The following MTNR1B variants were observed in gnomAD, a reference collection of about 807,000 sequenced individuals.
MTNR1B encodes melatonin receptor type 1B.
A neutral mutation model predicts 7.0 loss-of-function variants in MTNR1B; 7 were observed. The observed-to-expected ratio is 1.00, with a 90% CI of 0.57 to 1.88. The LOEUF (loss-of-function observed/expected upper bound fraction) is 1.88, where lower values mean the gene tolerates loss of function less well. MTNR1B is among the 40% of genes most tolerant of loss of function. MTNR1B has a pLI of 0.00. For missense variants in MTNR1B, 478 were observed against 486.5 expected (o/e 0.98, Z 0.16); for synonymous variants, 226 against 208.2 (o/e 1.09, Z -0.74).
chr11:92,979,147 A>T (rs1222407940), intron 1 of MTNR1B, among the ~76,000 whole-genome samples: 1 of 152,250 alleles, frequency 6.6e-6, no homozygotes, highest in Non-Finnish European at 1.5e-5. Context: ...GCCCAAATTC[A>T]TTCAACCATA....
chr11:92,981,332 A>C (rs1397474001), intron 1 of MTNR1B, 115 bp from the exon 2 acceptor site: 1 of 1,423,888 alleles, frequency 7.0e-7, no homozygotes, highest in Non-Finnish European at 9.5e-7. Context: ...TGTGCCTCTA[A>C]GAGCCACTTG....
rs188596127 is a variant in MTNR1B, at chr11:92,982,558, C to T, written c.*246C>T. The T allele has an allele frequency of 6.0e-5, 32 of 529,880 alleles. 1 individual carries two copies. The East Asian group carries it at 9.9e-4, about 16-fold the overall frequency. 32.8% of individuals were successfully genotyped at this position (529,880 alleles called of 1,614,324 possible). A position where few individuals can be genotyped will look rare whatever the true frequency, so the allele number is the denominator to read the frequency against. On this transcript the variant is annotated 3_prime_UTR_variant, in exon 2 of 2. Transcript: ENST00000257068. Reference sequence around the variant, plus strand: ...TTGGTGGTGTCTTGGGGATTTGGTGCACACAAGACCAAGGAAAGGACAGAA... The same window carrying T: ...TTGGTGGTGTCTTGGGGATTTGGTGTACACAAGACCAAGGAAAGGACAGAA...
intron 1 of MTNR1B, among the ~76,000 whole-genome samples, chr11:92,976,097 C>T (rs948720556): frequency 2.6e-5 from 4 of 152,176 alleles, no homozygotes; most frequent in African/African-American, 9.7e-5. Context: ...TTAATTCCTC[C>T]CATGTAACTT....
In MTNR1B at chr11:92,970,016, C is replaced by T. The variant is rs1857900220; in HGVS notation, c.223+68C>T. 4 of 1,423,078 alleles carry T rather than the reference C, an allele frequency of 2.8e-6. No homozygotes were observed. The East Asian group carries it at 8.2e-5, about 29-fold the overall frequency. The allele number at this position is 1,423,078 out of a possible 1,614,324, so 88.2% of individuals were successfully genotyped here. On this transcript the variant is annotated intron_variant, in intron 1 of 1. Transcript: ENST00000257068. Reference sequence around the variant, plus strand: ...CCTTGTCTTCTGATCTTGTCCCTGACCCCGGGATATGCGCTGCCTTTTCCC... The same window carrying T: ...CCTTGTCTTCTGATCTTGTCCCTGATCCCGGGATATGCGCTGCCTTTTCCC...
chr11:92,972,362 C>T (rs1352146533), intron 1 of MTNR1B: 1 of 455,130 alleles, frequency 2.2e-6, no homozygotes, highest in African/African-American at 2.0e-5. Flanking sequence ...TTGCCTATCA[C>T]AAACCCAGTT....
At chr11:92,984,688 G>A (rs72966529), downstream of MTNR1B, 1,161 of 336,626 alleles carry the variant, frequency 3.4e-3, 7 homozygotes, top group Non-Finnish European at 5.3e-3. Flanking sequence ...TGCATGGCAC[G>A]TGCTCAGTAA....
chr11:92,982,940 C>CA (rs977107751), downstream of MTNR1B, among the ~76,000 whole-genome samples: 1 of 88,382 alleles, frequency 1.1e-5, no homozygotes, highest in Non-Finnish European at 2.4e-5. Context: ...CACTGCACCC[C>CA]CCCCCCCCAC....
At position 92,982,102 on chromosome 11, in the gene MTNR1B, C is replaced by G. The variant is rs1226735257; in HGVS notation, c.879C>G (p.Ser293Arg). Reference sequence around the variant, plus strand: ...TCCCTGAGGGGCTATTTGTCACTAGCTACTTACTGGCTTATTTCAACAGCT... The same window carrying G: ...TCCCTGAGGGGCTATTTGTCACTAGGTACTTACTGGCTTATTTCAACAGCT... ...PQIPEGLFVT[S>R]YLLAYFNSCL... Residue 293 changes from serine to arginine, a missense_variant, in exon 2 of 2, where the codon AGC becomes AGG. By Grantham distance (110) the Ser-to-Arg change is moderately radical. Transcript: ENST00000257068. 6.2e-7 allele frequency: 1 copy of G among 1,614,256 alleles called. No individual in the cohort carries two copies. Among genetic ancestry groups the G allele is most frequent in the Non-Finnish European group, 8.5e-7 (1 of 1,180,054 alleles).
chr11:92,979,621 CCAGA>C (rs988280981), intron 1 of MTNR1B, among the ~76,000 whole-genome samples: 43 of 152,148 alleles, frequency 2.8e-4, no homozygotes, highest in African/African-American at 8.7e-4. Flanking sequence ...CTCTAATTGT[CCAGA>C]CAATCTCCTT....
At position 92,982,035 on chromosome 11, in the gene MTNR1B, G is replaced by T. The variant is rs1858118036; in HGVS notation, c.812G>T (p.Gly271Val). Residue 271 changes from glycine (G) to valine (V), a missense_variant, in exon 2 of 2, where the codon GGC becomes GTC. Transcript: ENST00000257068. Reference protein sequence around the residue: ...AICWAPLNCIGLAVAINPQEM... With the variant: ...AICWAPLNCIVLAVAINPQEM... Reference sequence around the variant, plus strand: ...TGCTGGGCTCCACTTAACTGCATCGGCCTCGCTGTGGCCATCAACCCCCAA... The same window carrying T: ...TGCTGGGCTCCACTTAACTGCATCGTCCTCGCTGTGGCCATCAACCCCCAA... 1 of 1,614,046 alleles carries T rather than the reference G, an allele frequency of 6.2e-7. No individual in the cohort carries two copies. Among genetic ancestry groups the T allele is most frequent in the Admixed American group, 1.7e-5 (1 of 60,002 alleles).
rs775354456 is a variant in MTNR1B, at chr11:92,982,357, G to C, written c.*45G>C. On this transcript the variant is annotated 3_prime_UTR_variant, in exon 2 of 2. Coordinates refer to ENST00000257068, the MANE Select transcript of MTNR1B (RefSeq NM_005959.5). ...AGCAGCATGACAAACTCATGAAATG[G>C]TGGGAGAGAGTCTGCTGCAAGGGTG... The C allele has an allele frequency of 2.5e-6, 4 of 1,574,436 alleles. No individual in the cohort carries two copies. In the East Asian group the frequency reaches 9.0e-5, roughly 35 times the overall value.
intron 1 of MTNR1B, among the ~76,000 whole-genome samples, chr11:92,975,587 T>C (rs1476869582): frequency 6.6e-6 from 1 of 152,166 alleles, no homozygotes; most frequent in African/African-American, 2.4e-5. Flanking sequence ...CTGATGGGAA[T>C]ATTCTGCCTA....
At position 92,982,414 on chromosome 11, in the gene MTNR1B, T is replaced by C; in HGVS notation, c.*102T>C. 7.3e-7 allele frequency: 1 copy of C among 1,375,674 alleles called. No homozygotes were observed. The highest frequency in any genetic ancestry group is 1.5e-5 in the South Asian group (1 of 68,526). 85.2% of individuals were successfully genotyped at this position (1,375,674 alleles called of 1,614,324 possible). A position where few individuals can be genotyped will look rare whatever the true frequency, so the allele number is the denominator to read the frequency against. ...GGCAGCCTGCTGGGCCACACTGTCC[T>C]GTTGGCATCACAGCCCCAAGGCTGG... is the stretch of plus-strand genomic sequence containing the variant. On this transcript the variant is annotated 3_prime_UTR_variant, in exon 2 of 2. Transcript: ENST00000257068.
At position 92,982,584 on chromosome 11, in the gene MTNR1B, T is replaced by C; in HGVS notation, c.*272T>C. 4.3e-6 allele frequency: 2 copies of C among 465,580 alleles called. No individual in the cohort carries two copies. The highest frequency in any genetic ancestry group is 7.6e-6 in the Non-Finnish European group (2 of 261,484). The allele number at this position is 465,580 out of a possible 1,614,324, so 28.8% of individuals were successfully genotyped here. ...ACACAAGACCAAGGAAAGGACAGAA[T>C]GAGGAAAGGCCTGGGGCAGAAGAGC... On this transcript the variant is annotated 3_prime_UTR_variant, in exon 2 of 2. Transcript: ENST00000257068.
chr11:92,980,509 T>A (rs1042002955), intron 1 of MTNR1B, among the ~76,000 whole-genome samples: 1 of 152,230 alleles, frequency 6.6e-6, no homozygotes, highest in African/African-American at 2.4e-5. Context: ...TGTGTTCTTT[T>A]AGAGTAAGCC....
intron 1 of MTNR1B, among the ~76,000 whole-genome samples, chr11:92,979,633 CTTTCTATTCAG>C (rs1858065953): frequency 6.6e-6 from 1 of 152,162 alleles, no homozygotes; most frequent in Non-Finnish European, 1.5e-5. Flanking sequence ...AGACAATCTC[CTTTCTATTCAG>C]TTACATCCTG....
At chr11:92,977,547 G>T (rs889833601) in intron 1 of MTNR1B, among the ~76,000 whole-genome samples, 1 of 152,162 alleles carries the variant, frequency 6.6e-6, no homozygotes, top group Admixed American at 6.5e-5. Context: ...AAAAGTCTTG[G>T]TAATTTTGTG....
chr11:92,981,889 C>T lies in MTNR1B; in HGVS notation c.666C>T (p.Arg222=), dbSNP rs780873326. 1 of 1,614,240 alleles carries T rather than the reference C, an allele frequency of 6.2e-7. No individual in the cohort carries two copies. The highest frequency in any genetic ancestry group is 8.5e-7 in the Non-Finnish European group (1 of 1,180,038). ...PIAVVSFCYL[R]IWVLVLQARR... is the part of the protein sequence containing the mutation. ...CTGTCGTGTCCTTCTGCTACCTGCG[C>T]ATCTGGGTGCTGGTGCTTCAGGCCC... The change falls in exon 2 of 2, where the codon CGC becomes CGT. Residue 222 remains arginine, a synonymous_variant. Coordinates refer to ENST00000257068, the MANE Select transcript of MTNR1B (RefSeq NM_005959.5).
Position 92,969,939 on chromosome 11 carries a change from C to A in MTNR1B, c.214C>A (p.Arg72=), listed in dbSNP as rs1324543946. The A allele has an allele frequency of 1.2e-6, 2 of 1,610,562 alleles. No individual in the cohort carries two copies. Among genetic ancestry groups the A allele is most frequent in the Admixed American group, 1.7e-5 (1 of 59,796 alleles). ...CTCCGTGCTCAGGAACCGCAAGCTC[C>A]GGAACGCAGGTGAGCACCATTCCTG... ...ILSVLRNRKL[R]NAGNLFLVSL... Residue 72 remains arginine, a synonymous_variant, in exon 1 of 2, where the codon CGG becomes AGG. Transcript: ENST00000257068.
Sources: gnomAD v4.1 joint callset for allele counts (sites outside exome capture counted in the v4.1 genomes callset) on GRCh38, gnomAD v4.1.1 for gene constraint, MANE v1.5 for transcripts, NCBI Gene and HGNC (gene_info 2026-07-23, HGNC 2026-07-21) for gene names.